Variants in PACSIN2 observed in about 807,000 individuals in gnomAD.
PACSIN2 encodes the protein protein kinase C and casein kinase substrate in neurons protein 2.
PACSIN2 carries 25 observed loss-of-function variants against 63.8 expected under a neutral mutation model. That is an observed-to-expected ratio of 0.39 (90% CI 0.29 to 0.55). The LOEUF is 0.55. Ranked by LOEUF, PACSIN2 falls within the 20% of genes least tolerant of loss-of-function variation. PACSIN2 has a pLI of 0.62. For synonymous variants in PACSIN2, 255 were observed against 256.2 expected, an observed-to-expected ratio of 1.00 and a Z score of 0.05; for missense variants, 518 against 646.9, an observed-to-expected ratio of 0.80 and a Z score of 2.16.
chr22:42,967,222 C>T (rs1920970889), intron 1 of PACSIN2, among the ~76,000 whole-genome samples: 1 of 152,052 alleles, frequency 6.6e-6, no homozygotes, highest in East Asian at 1.9e-4. Flanking sequence ...AAACAAGGGC[C>T]GTGTCCTGCT....
At chr22:42,920,512 G>A (rs780998936) in intron 1 of PACSIN2, among the ~76,000 whole-genome samples, 5 of 152,126 alleles carry the variant, frequency 3.3e-5, no homozygotes, top group Non-Finnish European at 7.4e-5. Context: ...TTTTTGGAAA[G>A]AAACAAATTC....
intron 1 of PACSIN2, among the ~76,000 whole-genome samples, chr22:42,999,695 A>G (rs963913416): frequency 6.6e-5 from 10 of 152,220 alleles, no homozygotes; most frequent in African/African-American, 2.4e-4. Flanking sequence ...TCTACAGACT[A>G]TGCCTGGTGG....
At chr22:42,935,204 C>T (rs973675749) in intron 1 of PACSIN2, among the ~76,000 whole-genome samples, 1 of 151,854 alleles carries the variant, frequency 6.6e-6, no homozygotes, top group African/African-American at 2.4e-5. Flanking sequence ...GGATTATAGG[C>T]GTGAGCCACC....
At chr22:42,997,359 C>A (rs148504119) in intron 1 of PACSIN2, among the ~76,000 whole-genome samples, 238 of 152,202 alleles carry the variant, frequency 1.6e-3, no homozygotes, top group Non-Finnish European at 2.7e-3. Flanking sequence ...GAGATTGAGA[C>A]CATCCTGGCT....
chr22:42,982,984 C>G (rs143016245), intron 1 of PACSIN2, among the ~76,000 whole-genome samples: 1 of 151,290 alleles, frequency 6.6e-6, no homozygotes, highest in African/African-American at 2.4e-5. Context: ...AGTTCAAGAC[C>G]AGCGTGGCCA....
chr22:43,014,376 C>CT (rs1273091075), intron 1 of PACSIN2, among the ~76,000 whole-genome samples: 6 of 18,610 alleles, frequency 3.2e-4, no homozygotes, highest in Admixed American at 9.4e-4. Flanking sequence ...CACCCCCCCC[C>CT]CCCCGGGACA....
At chr22:42,986,037 T>C (rs926549731) in intron 1 of PACSIN2, among the ~76,000 whole-genome samples, 1 of 152,190 alleles carries the variant, frequency 6.6e-6, no homozygotes, top group Non-Finnish European at 1.5e-5. Context: ...GGCTCACGCT[T>C]GACTTTCCAA....
At chr22:42,978,118 C>A (rs891429063) in intron 1 of PACSIN2, among the ~76,000 whole-genome samples, 10 of 152,190 alleles carry the variant, frequency 6.6e-5, no homozygotes, top group African/African-American at 2.2e-4. Context: ...ACAATGAGCA[C>A]CTACAACCTG....
chr22:42,888,846 A>G, intron 4 of PACSIN2, 48 bp from the exon 5 acceptor site: 1 of 1,594,104 alleles, frequency 6.3e-7, no homozygotes, highest in Admixed American at 1.7e-5. Flanking sequence ...GGAGTTCAGG[A>G]TCCTCACTAG....
intron 1 of PACSIN2, among the ~76,000 whole-genome samples, chr22:42,956,025 T>C (rs1933902418): frequency 6.6e-6 from 1 of 152,246 alleles, no homozygotes; most frequent in Non-Finnish European, 1.5e-5. Context: ...TTTTGTCCTG[T>C]TAATTACATC....
intron 5 of PACSIN2, 69 bp downstream of exon 5, chr22:42,888,574 G>T: frequency 6.7e-7 from 1 of 1,483,532 alleles, no homozygotes; most frequent in Non-Finnish European, 9.4e-7. Flanking sequence ...GTTACAGAAG[G>T]CTATATGCCA....
chr22:42,971,915 G>GC (rs1179456995), intron 1 of PACSIN2, among the ~76,000 whole-genome samples: 1 of 135,502 alleles, frequency 7.4e-6, no homozygotes, highest in African/African-American at 2.9e-5. Flanking sequence ...CCCGGCCGCC[G>GC]CCCCGTCTGG....
At chr22:42,972,069 G>A (rs565861599) in intron 1 of PACSIN2, among the ~76,000 whole-genome samples, 26 of 152,334 alleles carry the variant, frequency 1.7e-4, no homozygotes, top group African/African-American at 6.0e-4. Flanking sequence ...CAATGGGGGG[G>A]GGAAATGTGG....
At chr22:42,991,002 C>T (rs934891879) in intron 1 of PACSIN2, among the ~76,000 whole-genome samples, 7 of 152,142 alleles carry the variant, frequency 4.6e-5, no homozygotes, top group African/African-American at 1.2e-4. Context: ...GAGGACTCAA[C>T]GGGTTCTATA....
Position 42,876,907 on chromosome 22 carries a change from C to A in PACSIN2, c.1132G>T (p.Asp378Tyr), listed in dbSNP as rs773663758. ...ACCAACTTTTTGGCCTTAGTGTCGT[C>A]CTTCTCACTGACGGTGCTGCCCGTG... ...DDTGSTVSEKDDTKAKNVSSY... is the reference protein window; with the variant it reads ...DDTGSTVSEKYDTKAKNVSSY... The change falls in exon 9 of 11, where the codon GAC becomes TAC. Residue 378 changes from aspartate (D) to tyrosine (Y), a missense_variant. By Grantham distance (160) the Asp-to-Tyr change is radical. Transcript: ENST00000263246. 7.4e-6 allele frequency: 12 copies of A among 1,614,182 alleles called. No individual in the cohort carries two copies. The highest frequency in any genetic ancestry group is 9.3e-6 in the Non-Finnish European group (11 of 1,180,032).
intron 1 of PACSIN2, among the ~76,000 whole-genome samples, chr22:42,935,113 G>C (rs575022914): frequency 6.7e-6 from 1 of 149,888 alleles, no homozygotes; most frequent in Admixed American, 6.6e-5. Flanking sequence ...TTTCAGTAGA[G>C]TCGGGGTTTC....
At chr22:42,934,391 T>C (rs551187427) in intron 1 of PACSIN2, among the ~76,000 whole-genome samples, 37 of 152,338 alleles carry the variant, frequency 2.4e-4, no homozygotes, top group African/African-American at 8.9e-4. Context: ...CCTTCTTGGC[T>C]TCTGTGTACT....
intron 1 of PACSIN2, among the ~76,000 whole-genome samples, chr22:42,954,843 T>C (rs1933847792): frequency 6.6e-6 from 1 of 151,458 alleles, no homozygotes; most frequent in Non-Finnish European, 1.5e-5. Flanking sequence ...GGAGGCATGG[T>C]AGGTGATAAT....
intron 1 of PACSIN2, among the ~76,000 whole-genome samples, chr22:42,966,459 A>G (rs1920957925): frequency 6.6e-6 from 1 of 152,234 alleles, no homozygotes; most frequent in South Asian, 2.1e-4. Context: ...ATCAAAGAAG[A>G]AGGTCCCAGG....
Sources: gnomAD v4.1 joint callset for allele counts (sites outside exome capture counted in the v4.1 genomes callset) on GRCh38, gnomAD v4.1.1 for gene constraint, MANE v1.5 for transcripts, NCBI Gene and HGNC (gene_info 2026-07-23, HGNC 2026-07-21) for gene names.